DNM3: variants seen among roughly 807,000 people sequenced by gnomAD.
DNM3 encodes dynamin-3.
Under a neutral mutation model 101.6 loss-of-function variants are expected in DNM3, and 47 were observed. That is an observed-to-expected ratio of 0.46 (90% CI 0.37 to 0.59). The LOEUF is 0.59. Ranked by LOEUF, DNM3 falls within the 20% of genes least tolerant of loss-of-function variation. The probability of loss-of-function intolerance (pLI) is 0.00; values close to 1 mark genes in which losing one functional copy is unlikely to be tolerated. For synonymous variants in DNM3, 385 were observed against 387.9 expected, an observed-to-expected ratio of 0.99 and a Z score of 0.09; for missense variants, 849 against 1,085.7, an observed-to-expected ratio of 0.78 and a Z score of 3.06.
intron 20 of DNM3, chr1:172,389,308 G>C (rs1265306039): frequency 6.4e-6 from 1 of 157,238 alleles, no homozygotes; most frequent in African/African-American, 2.4e-5. Context: ...CTGGCTGATT[G>C]ATCTGCAATT....
In DNM3 at chr1:172,379,137, C is replaced by A. The variant is rs1189117118; in HGVS notation, c.2013C>A (p.Ile671=). 6.2e-7 allele frequency: 1 copy of A among 1,611,094 alleles called. No homozygotes were observed. The highest frequency in any genetic ancestry group is 8.5e-7 in the Non-Finnish European group (1 of 1,178,358). ...ACATGTCCATTATCAACAAATGTAT[C>A]CGAGATCTAATTCCAAAAACAATAA... ...DSYMSIINKC[I]RDLIPKTIMH... is the part of the protein sequence containing the mutation. Residue 671 remains isoleucine (I), a synonymous_variant, in exon 18 of 21, where the codon ATC becomes ATA. Coordinates refer to ENST00000627582, the MANE Select transcript of DNM3 (RefSeq NM_015569.5).
At chr1:172,415,842 T>G (rs549750770), downstream of DNM3, among the ~76,000 whole-genome samples, 234 of 152,190 alleles carry the variant, frequency 1.5e-3, 1 homozygote, top group African/African-American at 5.2e-3. Flanking sequence ...TTTTGTGAGA[T>G]TTTAACAGAA....
At chr1:172,033,374 C>A in intron 6 of DNM3, 109 bp downstream of exon 6, 2 of 1,194,908 alleles carry the variant, frequency 1.7e-6, no homozygotes, top group Non-Finnish European at 2.3e-6. Context: ...ACAAGACATG[C>A]AGCTTCAATG....
intron 13 of DNM3, among the ~76,000 whole-genome samples, chr1:172,112,178 A>T (rs1214612036): frequency 1.3e-5 from 2 of 152,194 alleles, no homozygotes; most frequent in Admixed American, 6.5e-5. Context: ...ATGATTAAGC[A>T]TTTCTTACAT....
chr1:172,347,487 T>G (rs1400615181), intron 17 of DNM3, among the ~76,000 whole-genome samples: 1 of 152,014 alleles, frequency 6.6e-6, no homozygotes, highest in Non-Finnish European at 1.5e-5. Context: ...TCAAGCAGAT[T>G]GGGGGAATGA....
intron 4 of DNM3, among the ~76,000 whole-genome samples, chr1:172,013,205 C>T (rs1015679270): frequency 1.3e-5 from 2 of 151,770 alleles, no homozygotes; most frequent in East Asian, 1.9e-4. Flanking sequence ...GGCTATGTTT[C>T]GTCCCATTTC....
intron 14 of DNM3, among the ~76,000 whole-genome samples, chr1:172,248,144 A>C (rs1475441807): frequency 6.6e-6 from 1 of 152,190 alleles, no homozygotes; most frequent in Non-Finnish European, 1.5e-5. Flanking sequence ...AAAGGTTTGT[A>C]TGAATCAAAT....
At chr1:172,186,796 C>T (rs1390130905) in intron 14 of DNM3, among the ~76,000 whole-genome samples, 1 of 152,066 alleles carries the variant, frequency 6.6e-6, no homozygotes, top group Non-Finnish European at 1.5e-5. Flanking sequence ...CATTTAAGAA[C>T]ATCGTAGGAG....
At chr1:172,396,333 A>G (rs1308435293) in intron 20 of DNM3, among the ~76,000 whole-genome samples, 1 of 152,254 alleles carries the variant, frequency 6.6e-6, no homozygotes, top group African/African-American at 2.4e-5. Flanking sequence ...TCAGTTGCTT[A>G]GAGACATGTA....
At chr1:172,228,644 C>T (rs1045998719) in intron 14 of DNM3, among the ~76,000 whole-genome samples, 7 of 151,824 alleles carry the variant, frequency 4.6e-5, no homozygotes, top group African/African-American at 1.5e-4. Flanking sequence ...AGTTTTTTTG[C>T]CTAAGATTTT....
intron 1 of DNM3, among the ~76,000 whole-genome samples, chr1:171,879,584 T>C (rs970464373): frequency 4.6e-5 from 7 of 152,156 alleles, no homozygotes; most frequent in Admixed American, 4.6e-4. Flanking sequence ...AGGAATTAGG[T>C]GCTTACTAAT....
chr1:172,075,951 GA>G (rs2052613178), intron 11 of DNM3, among the ~76,000 whole-genome samples: 1 of 152,178 alleles, frequency 6.6e-6, no homozygotes, highest in African/African-American at 2.4e-5. Flanking sequence ...ATGAGCAAGG[GA>G]TGTTTTTTCC....
chr1:172,370,543 A>G (rs1358539051), intron 17 of DNM3, among the ~76,000 whole-genome samples: 3 of 151,964 alleles, frequency 2.0e-5, no homozygotes, highest in African/African-American at 7.2e-5. Context: ...TCTTCTTTCT[A>G]CAAAAGAGAG....
At chr1:172,162,497 A>C (rs1244869049) in intron 14 of DNM3, among the ~76,000 whole-genome samples, 3 of 152,056 alleles carry the variant, frequency 2.0e-5, no homozygotes, top group Non-Finnish European at 2.9e-5. Flanking sequence ...AGCAGAAAAA[A>C]AATAGAAAGA....
intron 11 of DNM3, among the ~76,000 whole-genome samples, chr1:172,076,580 G>A (rs1269675695): frequency 6.6e-6 from 1 of 152,106 alleles, no homozygotes; most frequent in Non-Finnish European, 1.5e-5. Flanking sequence ...TAATCATGTG[G>A]TTTACGTCAT....
intron 14 of DNM3, chr1:172,133,027 G>T: frequency 6.6e-7 from 1 of 1,503,996 alleles, no homozygotes; most frequent in Admixed American, 2.4e-5. Flanking sequence ...TCCCAGAGAT[G>T]CCTGGAGTTG....
intron 13 of DNM3, among the ~76,000 whole-genome samples, chr1:172,098,033 A>C (rs1380360156): frequency 6.6e-6 from 1 of 152,204 alleles, no homozygotes; most frequent in African/African-American, 2.4e-5. Flanking sequence ...ACAGGACCAC[A>C]GGACCAGGGT....
intron 2 of DNM3, among the ~76,000 whole-genome samples, chr1:171,953,630 T>C (rs2042672098): frequency 6.6e-6 from 1 of 151,964 alleles, no homozygotes; most frequent in African/African-American, 2.4e-5. Flanking sequence ...GGTTTCACCA[T>C]ATTGGCCAGG....
intron 1 of DNM3, among the ~76,000 whole-genome samples, chr1:171,845,063 G>C (rs1471634450): frequency 1.3e-5 from 2 of 152,080 alleles, no homozygotes; most frequent in African/African-American, 2.4e-5. Context: ...TAGAGAGTTT[G>C]AGTAACTCAC....
Sources: allele counts gnomAD v4.1 joint callset (sites outside exome capture counted in the v4.1 genomes callset), GRCh38; gene constraint gnomAD v4.1.1; transcripts MANE v1.5; gene names NCBI Gene and HGNC (gene_info 2026-07-23, HGNC 2026-07-21).